Variants in CRACDL observed in about 807,000 individuals in gnomAD.
The protein encoded by CRACDL is CRACD-like protein.
CRACDL carries 26 observed loss-of-function variants against 70.6 expected under a neutral mutation model. The ratio of observed to expected loss-of-function variants is 0.37; its 90% CI spans 0.27 to 0.51. CRACDL has a LOEUF of 0.51. Ranked by LOEUF, CRACDL falls within the 20% of genes least tolerant of loss-of-function variation. CRACDL has a pLI of 0.94. For synonymous variants in CRACDL, 618 were observed against 615.2 expected (o/e 1.00, Z -0.07); for missense variants, 1,283 against 1,376.9 (o/e 0.93, Z 1.08).
intron 7 of CRACDL, among the ~76,000 whole-genome samples, chr2:98,808,212 C>A (rs1430585718): frequency 6.6e-6 from 1 of 152,226 alleles, no homozygotes; most frequent in Non-Finnish European, 1.5e-5. Context: ...TGGGAAGCAT[C>A]ACCTTAAGCA....
At chr2:98,930,089 G>A (rs1709032198) in intron 1 of CRACDL, among the ~76,000 whole-genome samples, 1 of 152,028 alleles carries the variant, frequency 6.6e-6, no homozygotes. Flanking sequence ...ACTCACTAGT[G>A]AGCCCAGACG....
chr2:98,911,181 C>T (rs1708539344), intron 1 of CRACDL, among the ~76,000 whole-genome samples: 2 of 152,184 alleles, frequency 1.3e-5, no homozygotes, highest in Non-Finnish European at 2.9e-5. Context: ...TCAAGTATCT[C>T]GTCCTTAAAA....
chr2:98,842,061 G>T (rs1053320424), intron 2 of CRACDL, among the ~76,000 whole-genome samples: 3 of 151,778 alleles, frequency 2.0e-5, no homozygotes, highest in Admixed American at 6.6e-5. Flanking sequence ...GATTCATTGG[G>T]TTTCTTAAAC....
At chr2:98,923,440 C>T (rs948418637) in intron 1 of CRACDL, among the ~76,000 whole-genome samples, 1 of 152,092 alleles carries the variant, frequency 6.6e-6, no homozygotes, top group African/African-American at 2.4e-5. Flanking sequence ...TCCCAGGACA[C>T]CCCCTAATGG....
intron 1 of CRACDL, among the ~76,000 whole-genome samples, chr2:98,866,076 A>G (rs554634347): frequency 6.6e-6 from 1 of 152,250 alleles, no homozygotes; most frequent in African/African-American, 2.4e-5. Context: ...AGAGAGACAG[A>G]TCTGCTCTGA....
chr2:98,875,577 T>C (rs1187122298), intron 1 of CRACDL, among the ~76,000 whole-genome samples: 6 of 152,224 alleles, frequency 3.9e-5, no homozygotes, highest in African/African-American at 1.4e-4. Flanking sequence ...GACAGTGGGC[T>C]GTCACCCGAC....
In CRACDL at chr2:98,822,292, G is replaced by A; in HGVS notation, c.1981C>T (p.Pro661Ser). Residue 661 changes from proline (P) to serine (S), a missense_variant, in exon 7 of 10, where the codon CCC (proline) becomes TCC (serine). Pro to Ser is a moderately conservative substitution (Grantham distance 74). Around this residue, in one of 2 missense-constraint regions of CRACDL, gnomAD observed 921 missense variants for 881.9 expected, o/e 1.04. Coordinates refer to ENST00000397899, the MANE Select transcript of CRACDL (RefSeq NM_207362.3). This position sits in a 1 kb window ranked among gnomAD's most constrained non-coding sequence, Gnocchi z 4.9. The stretch of plus-strand genomic sequence containing the variant: ...GCTGGGCAGGGCTCTCTCGTGCCGG[G>A]CGCGGCGGCCGCCTCCTGAGGGCTC... ...RKSPQEAAAA[P>S]GTREPCPAAQ... 6.5e-7 allele frequency: 1 copy of A among 1,544,316 alleles called. No individual in the cohort carries two copies. Among genetic ancestry groups the A allele is most frequent in the Non-Finnish European group, 8.7e-7 (1 of 1,155,804 alleles).
intron 1 of CRACDL, among the ~76,000 whole-genome samples, chr2:98,865,450 C>T (rs1406883943): frequency 2.6e-5 from 4 of 152,104 alleles, no homozygotes; most frequent in South Asian, 2.1e-4. Flanking sequence ...TACAGATTCA[C>T]GCCTGGTTAC....
chr2:98,927,973 G>C (rs1462666200), intron 1 of CRACDL, among the ~76,000 whole-genome samples: 1 of 152,104 alleles, frequency 6.6e-6, no homozygotes, highest in African/African-American at 2.4e-5. Context: ...TTGAGGTCAG[G>C]AGTTCAAGAC....
chr2:98,855,796 T>C (rs1241199391), intron 1 of CRACDL, among the ~76,000 whole-genome samples: 1 of 152,050 alleles, frequency 6.6e-6, no homozygotes, highest in Non-Finnish European at 1.5e-5. Flanking sequence ...GTAGAAACTA[T>C]AAAAATAAAC....
At chr2:98,914,994 G>C (rs1708632565) in intron 1 of CRACDL, among the ~76,000 whole-genome samples, 2 of 152,168 alleles carry the variant, frequency 1.3e-5, no homozygotes, top group Non-Finnish European at 1.5e-5. Context: ...AGAGTCCCCG[G>C]GTCTAGAAGA....
chr2:98,817,880 C>T (rs1440764598), intron 7 of CRACDL, among the ~76,000 whole-genome samples: 2 of 151,918 alleles, frequency 1.3e-5, no homozygotes, highest in Non-Finnish European at 2.9e-5. Context: ...CACTACCTTC[C>T]AAAACACCAA....
rs1468056572 is a variant in CRACDL at position 98,795,073 on chromosome 2, A to ATTTTTTT, written c.2750-403_2750-402insAAAAAAA. ...TATATATATATATATATATATATAT[A>ATTTTTTT]TATATTTTTTTTTTTTTTTGAGACA... is the stretch of plus-strand genomic sequence containing the variant. On this transcript the variant is annotated intron_variant, in intron 9 of 9. Transcript: ENST00000397899. Among the ~76,000 whole-genome samples, 62 of 20,080 alleles carry ATTTTTTT rather than the reference A, an allele frequency of 3.1e-3. 7 individuals carry two copies. The highest frequency in any genetic ancestry group is 9.4e-3 in the East Asian group (8 of 852). 13.2% of individuals were successfully genotyped at this position (20,080 alleles called of 152,430 possible). A position where few individuals can be genotyped will look rare whatever the true frequency, so the allele number is the denominator to read the frequency against.
intron 1 of CRACDL, among the ~76,000 whole-genome samples, chr2:98,907,442 C>T (rs570484862): frequency 1.3e-5 from 2 of 152,348 alleles, no homozygotes; most frequent in South Asian, 4.1e-4. Context: ...GAGTTGTTCC[C>T]TGTGCAAATG....
intron 2 of CRACDL, among the ~76,000 whole-genome samples, chr2:98,845,734 C>T (rs1042657186): frequency 6.6e-6 from 1 of 151,958 alleles, no homozygotes; most frequent in African/African-American, 2.4e-5. Context: ...TTATTGTTTA[C>T]AATAAGTAAT....
intron 1 of CRACDL, among the ~76,000 whole-genome samples, chr2:98,932,061 T>C (rs548488659): frequency 2.0e-5 from 3 of 152,230 alleles, no homozygotes; most frequent in Non-Finnish European, 4.4e-5. Flanking sequence ...AAGAGCATTA[T>C]TTGATGAGAA....
intron 7 of CRACDL, among the ~76,000 whole-genome samples, chr2:98,806,959 C>T (rs1033622473): frequency 6.6e-5 from 10 of 152,026 alleles, no homozygotes; most frequent in African/African-American, 2.4e-4. Flanking sequence ...ACATCTGGGC[C>T]CTCCTTCACT....
intron 1 of CRACDL, among the ~76,000 whole-genome samples, chr2:98,918,872 C>T (rs1708732801): frequency 6.6e-6 from 1 of 152,126 alleles, no homozygotes; most frequent in South Asian, 2.1e-4. Flanking sequence ...TATTTTCTTC[C>T]ATTCTGCAGG....
intron 1 of CRACDL, among the ~76,000 whole-genome samples, chr2:98,927,677 A>G (rs1708967425): frequency 6.6e-6 from 1 of 152,228 alleles, no homozygotes; most frequent in Admixed American, 6.5e-5. Context: ...ATTTTAAATG[A>G]CAAATGGACA....
Sources: allele counts gnomAD v4.1 joint callset (sites outside exome capture counted in the v4.1 genomes callset), GRCh38; gene constraint gnomAD v4.1.1; regional missense constraint gnomAD v4.1.1; non-coding constraint Gnocchi (gnomAD v3.1); transcripts MANE v1.5; gene names NCBI Gene and HGNC (gene_info 2026-07-23, HGNC 2026-07-21).